EFTUD2: variants seen among roughly 807,000 people sequenced by gnomAD.
EFTUD2 encodes 116 kDa U5 small nuclear ribonucleoprotein component.
Under a neutral mutation model 114.3 loss-of-function variants are expected in EFTUD2, and 9 were observed. The observed-to-expected ratio is 0.08, with a 90% CI of 0.05 to 0.14. The LOEUF (loss-of-function observed/expected upper bound fraction) is 0.14, where lower values mean the gene tolerates loss of function less well. Among genes scored for constraint, EFTUD2 ranks in the 10% least tolerant of loss-of-function variants. The pLI, the probability that EFTUD2 is intolerant of heterozygous loss-of-function variation, is 1.00. For synonymous variants in EFTUD2, 449 were observed against 462.3 expected (o/e 0.97, Z 0.37); for missense variants, 765 against 1,241.2 (o/e 0.62, Z 5.76).
intron 11 of EFTUD2, 46 bp from the exon 12 acceptor site, chr17:44,868,396 T>C (rs1294888719): frequency 1.3e-6 from 2 of 1,597,876 alleles, no homozygotes; most frequent in Admixed American, 3.4e-5. Context: ...CAAAGTGTCG[T>C]TCAAAATTCT....
chr17:44,895,495 C>CAAA (rs34990843), intron 1 of EFTUD2, among the ~76,000 whole-genome samples: 7 of 88,100 alleles, frequency 7.9e-5, no homozygotes, highest in African/African-American at 4.6e-5. Flanking sequence ...GACTCCATCT[C>CAAA]AAAAAAAAAA....
At chr17:44,853,851 T>A in intron 23 of EFTUD2, 1 of 1,411,412 alleles carries the variant, frequency 7.1e-7, no homozygotes. Context: ...CTTCAGGCCA[T>A]GCTCAGACTT....
At chr17:44,880,491 G>C (rs1386545941) in intron 8 of EFTUD2, 63 bp downstream of exon 8, 1 of 1,304,620 alleles carries the variant, frequency 7.7e-7, no homozygotes, top group Non-Finnish European at 1.1e-6. Context: ...GCTCCGAAAA[G>C]TGAGAGGACA....
chr17:44,893,417 G>A (rs903547275), intron 2 of EFTUD2, among the ~76,000 whole-genome samples: 2 of 152,138 alleles, frequency 1.3e-5, no homozygotes, highest in African/African-American at 4.8e-5. Flanking sequence ...CACCACGCCC[G>A]GGCCCTTTCT....
intron 15 of EFTUD2, 34 bp downstream of exon 15, chr17:44,863,621 A>C: frequency 6.2e-7 from 1 of 1,600,808 alleles, no homozygotes; most frequent in African/African-American, 1.3e-5. Context: ...AGGGGAAAAA[A>C]AGACCAGAGA....
chr17:44,863,816 G>A (rs1185069034), intron 14 of EFTUD2, 34 bp from the exon 15 acceptor site: 4 of 1,610,750 alleles, frequency 2.5e-6, no homozygotes, highest in Non-Finnish European at 2.5e-6. Context: ...ATTAATACAT[G>A]CCTTCCCAGG....
At chr17:44,875,437 G>A (rs2050930087) in intron 10 of EFTUD2, among the ~76,000 whole-genome samples, 1 of 152,156 alleles carries the variant, frequency 6.6e-6, no homozygotes, top group Non-Finnish European at 1.5e-5. Context: ...GGCTGAGGCA[G>A]GAGAATGGCA....
intron 2 of EFTUD2, among the ~76,000 whole-genome samples, chr17:44,892,914 C>T (rs1318436372): frequency 6.6e-6 from 1 of 151,720 alleles, no homozygotes; most frequent in African/African-American, 2.4e-5. Flanking sequence ...AGGCGTAAGC[C>T]ACCACACCTG....
At chr17:44,881,662 A>G in intron 7 of EFTUD2, 25 bp downstream of exon 7, 1 of 1,614,034 alleles carries the variant, frequency 6.2e-7, no homozygotes, top group East Asian at 2.2e-5. Context: ...GTAGGTGACA[A>G]TCAGATTCCC....
chr17:44,868,742 T>C (rs530693452), intron 11 of EFTUD2, among the ~76,000 whole-genome samples: 1 of 152,298 alleles, frequency 6.6e-6, no homozygotes, highest in Admixed American at 6.5e-5. Context: ...CCTTTCCTGA[T>C]GTAGACAAGC....
chr17:44,879,392 A>C lies in EFTUD2; in HGVS notation c.702+164T>G, dbSNP rs1395070671. On this transcript the variant is annotated intron_variant, in intron 9 of 27. Transcript: ENST00000426333. ...TGAGCAACCACACCCGGTAAGAATT[A>C]ATTTTGAAACATTTGCTGCTTTAAT... 25 of 676,244 alleles carry C rather than the reference A, an allele frequency of 3.7e-5. No individual in the cohort carries two copies. The South Asian group carries it at 3.8e-4, about 10-fold the overall frequency. 41.9% of individuals were successfully genotyped at this position (676,244 alleles called of 1,614,324 possible).
intron 18 of EFTUD2, 166 bp downstream of exon 18, chr17:44,859,733 CACACGT>C (rs1042129273): frequency 9.6e-6 from 10 of 1,037,790 alleles, no homozygotes; most frequent in African/African-American, 1.6e-5. Flanking sequence ...CATACACACA[CACACGT>C]GTCTTGTCCT....
intron 11 of EFTUD2, among the ~76,000 whole-genome samples, chr17:44,870,997 AAC>A (rs1223769783): frequency 6.6e-5 from 10 of 151,978 alleles, no homozygotes; most frequent in African/African-American, 2.4e-4. Context: ...CAGCCTAGGC[AAC>A]AGAGTGAGAT....
chr17:44,863,505 C>G, intron 15 of EFTUD2, 150 bp downstream of exon 15: 2 of 1,126,014 alleles, frequency 1.8e-6, no homozygotes, highest in Non-Finnish European at 1.3e-6. Context: ...GCGGTGGCAA[C>G]ATCAGGCTTT....
chr17:44,897,508 T>C (rs2051411655), intron 1 of EFTUD2, among the ~76,000 whole-genome samples: 1 of 152,236 alleles, frequency 6.6e-6, no homozygotes, highest in Non-Finnish European at 1.5e-5. Context: ...TGTGGCCAAA[T>C]CTGGCCCCTC....
chr17:44,894,368 T>C (rs751867552), intron 2 of EFTUD2, 49 bp downstream of exon 2: 1 of 1,461,922 alleles, frequency 6.8e-7, no homozygotes, highest in South Asian at 1.1e-5. Flanking sequence ...GATCTTGTCT[T>C]AAATAAAATA....
At chr17:44,876,624 G>A (rs1475207086) in intron 9 of EFTUD2, among the ~76,000 whole-genome samples, 1 of 151,880 alleles carries the variant, frequency 6.6e-6, no homozygotes, top group Non-Finnish European at 1.5e-5. Flanking sequence ...AGGCTGAGGT[G>A]GGCGAATCAC....
At chr17:44,895,868 G>A (rs2051374978) in intron 1 of EFTUD2, 1 of 152,178 alleles carries the variant, frequency 6.6e-6, no homozygotes, top group Non-Finnish European at 1.5e-5. Context: ...TGGTTGTCAT[G>A]TCTCTAGTCT....
chr17:44,864,296 G>A (rs939380566), intron 14 of EFTUD2, among the ~76,000 whole-genome samples: 1 of 152,162 alleles, frequency 6.6e-6, no homozygotes, highest in Non-Finnish European at 1.5e-5. Flanking sequence ...TTGATGGGCA[G>A]ACCAAAATAA....
Sources: allele counts gnomAD v4.1 joint callset (sites outside exome capture counted in the v4.1 genomes callset), GRCh38; gene constraint gnomAD v4.1.1; transcripts MANE v1.5; gene names NCBI Gene and HGNC (gene_info 2026-07-23, HGNC 2026-07-21).